Variants in LRRTM4 observed in about 807,000 individuals in gnomAD.
LRRTM4 encodes leucine rich repeat transmembrane neuronal 4, also known as leucine-rich repeat transmembrane neuronal protein 4.
In LRRTM4, 25 loss-of-function variants were observed where a neutral mutation model predicts 47.6. The observed-to-expected ratio is 0.53, with a 90% CI of 0.38 to 0.73. The LOEUF is 0.73. LRRTM4 is among the 30% of genes least tolerant of loss of function. The probability of loss-of-function intolerance (pLI) is 0.00; values close to 1 mark genes in which losing one functional copy is unlikely to be tolerated. For missense variants in LRRTM4, 638 were observed against 713.4 expected (o/e 0.89, Z 1.20); for synonymous variants, 311 against 269.5 (o/e 1.15, Z -1.51).
At chr2:77,416,494 G>C (rs1674639628) in intron 3 of LRRTM4, among the ~76,000 whole-genome samples, 2 of 151,994 alleles carry the variant, frequency 1.3e-5, no homozygotes, top group Admixed American at 6.6e-5. Flanking sequence ...ATGAACATAT[G>C]CTACTATTAG....
chr2:76,801,859 G>C (rs947285429), intron 3 of LRRTM4, among the ~76,000 whole-genome samples: 4 of 152,076 alleles, frequency 2.6e-5, no homozygotes, highest in Non-Finnish European at 5.9e-5. Context: ...TTAACACAAT[G>C]AAGGACAAAC....
chr2:77,408,776 G>A (rs79338991), intron 3 of LRRTM4, among the ~76,000 whole-genome samples: 1 of 152,088 alleles, frequency 6.6e-6, no homozygotes, highest in African/African-American at 2.4e-5. Context: ...TTTATCAAAA[G>A]AAGAAATTAT....
chr2:76,844,875 T>A lies in LRRTM4; in HGVS notation c.1552-95959A>T, dbSNP rs545835521. ...TCTTTTTAAAAAACAGAATATATTC[T>A]CTTCATTTTGAGAAATGAAAAAAGG... On this transcript the variant is annotated intron_variant, in intron 3 of 3. Coordinates refer to ENST00000409884, the MANE Select transcript of LRRTM4 (RefSeq NM_001134745.3). Among the ~76,000 whole-genome samples, 65 of 152,256 alleles carry A rather than the reference T, an allele frequency of 4.3e-4. 1 individual carries two copies. Among genetic ancestry groups the A allele is most frequent in the African/African-American group, 1.5e-3 (62 of 41,548 alleles).
intron 3 of LRRTM4, among the ~76,000 whole-genome samples, chr2:77,401,541 A>T (rs1005614067): frequency 3.3e-5 from 5 of 151,882 alleles, no homozygotes; most frequent in African/African-American, 4.8e-5. Flanking sequence ...TTCACTATTG[A>T]ATTCCTAGCA....
intron 3 of LRRTM4, among the ~76,000 whole-genome samples, chr2:77,385,795 TG>T (rs1184070944): frequency 7.1e-6 from 1 of 140,728 alleles, no homozygotes; most frequent in African/African-American, 2.7e-5. Context: ...TCACCCAGGC[TG>T]GAGTGCCGTG....
intron 3 of LRRTM4, among the ~76,000 whole-genome samples, chr2:76,800,149 A>G (rs1170544371): frequency 6.7e-6 from 1 of 148,424 alleles, no homozygotes; most frequent in Non-Finnish European, 1.5e-5. Flanking sequence ...CGCCAAGTCA[A>G]TCCTAAGCCA....
intron 3 of LRRTM4, among the ~76,000 whole-genome samples, chr2:77,435,036 A>G (rs533712686): frequency 7.2e-5 from 11 of 152,138 alleles, no homozygotes; most frequent in Admixed American, 2.6e-4. Flanking sequence ...TGTTTGTCCT[A>G]TGCATTGTAG....
intron 3 of LRRTM4, among the ~76,000 whole-genome samples, chr2:76,795,886 G>A (rs555900299): frequency 3.3e-4 from 50 of 152,032 alleles, no homozygotes; most frequent in African/African-American, 1.1e-3. Context: ...GGTGATTTCT[G>A]CATTTCCATC....
intron 3 of LRRTM4, among the ~76,000 whole-genome samples, chr2:76,994,383 A>G (rs1677124215): frequency 6.6e-6 from 1 of 151,914 alleles, no homozygotes; most frequent in East Asian, 1.9e-4. Flanking sequence ...GCAACATATA[A>G]CCAATTTCAT....
At chr2:77,490,938 C>G (rs1678129650) in intron 3 of LRRTM4, among the ~76,000 whole-genome samples, 1 of 151,654 alleles carries the variant, frequency 6.6e-6, no homozygotes, top group Non-Finnish European at 1.5e-5. Context: ...ATCAGTGCAA[C>G]AGTTCACAAA....
chr2:76,837,894 T>C (rs888750288), intron 3 of LRRTM4, among the ~76,000 whole-genome samples: 5 of 150,530 alleles, frequency 3.3e-5, no homozygotes, highest in Admixed American at 1.3e-4. Context: ...AATGAGAACA[T>C]ATGGACACAG....
At chr2:77,426,347 T>G (rs1288892108) in intron 3 of LRRTM4, among the ~76,000 whole-genome samples, 1 of 152,176 alleles carries the variant, frequency 6.6e-6, no homozygotes, top group East Asian at 1.9e-4. Context: ...CCAGCTTCCC[T>G]GCAGTCCATT....
intron 3 of LRRTM4, among the ~76,000 whole-genome samples, chr2:76,804,720 CAA>C (rs1675877867): frequency 6.8e-6 from 1 of 146,500 alleles, no homozygotes; most frequent in Admixed American, 7.0e-5. Flanking sequence ...ATATATAAAA[CAA>C]TGATATATCA....
chr2:77,172,699 T>C (rs1464577244), intron 3 of LRRTM4, among the ~76,000 whole-genome samples: 5 of 150,500 alleles, frequency 3.3e-5, no homozygotes, highest in Non-Finnish European at 7.3e-5. Flanking sequence ...AAAATATGCT[T>C]ACTCTCTCCC....
At chr2:76,917,952 A>G (rs558567248) in intron 3 of LRRTM4, among the ~76,000 whole-genome samples, 12 of 152,244 alleles carry the variant, frequency 7.9e-5, no homozygotes, top group Non-Finnish European at 4.4e-5. Flanking sequence ...CATGCTTCCA[A>G]ATATCTTCTA....
At chr2:77,363,719 G>A (rs1328865282) in intron 3 of LRRTM4, among the ~76,000 whole-genome samples, 1 of 152,088 alleles carries the variant, frequency 6.6e-6, no homozygotes, top group Non-Finnish European at 1.5e-5. Flanking sequence ...AAAAAGGGGA[G>A]AATTTACCTT....
At chr2:77,057,126 C>G (rs991677078) in intron 3 of LRRTM4, among the ~76,000 whole-genome samples, 1 of 152,144 alleles carries the variant, frequency 6.6e-6, no homozygotes, top group African/African-American at 2.4e-5. Context: ...AAAACCTTTG[C>G]TGACCTGATA....
At chr2:76,968,338 G>GTATATATA (rs1444483668) in intron 3 of LRRTM4, among the ~76,000 whole-genome samples, 1 of 89,850 alleles carries the variant, frequency 1.1e-5, no homozygotes, top group Non-Finnish European at 2.2e-5. Flanking sequence ...GTGTGTATGT[G>GTATATATA]TGTATATATA....
chr2:77,089,050 C>T (rs1436921355), intron 3 of LRRTM4, among the ~76,000 whole-genome samples: 2 of 152,088 alleles, frequency 1.3e-5, no homozygotes, highest in East Asian at 3.9e-4. Flanking sequence ...ACTGCAGGGA[C>T]ACCTCTCTGA....
Sources: allele counts gnomAD v4.1 joint callset (sites outside exome capture counted in the v4.1 genomes callset), GRCh38; gene constraint gnomAD v4.1.1; transcripts MANE v1.5; gene names NCBI Gene and HGNC (gene_info 2026-07-23, HGNC 2026-07-21).